Variants in FTCD observed in about 807,000 individuals in gnomAD.
FTCD encodes the protein formimidoyltransferase cyclodeaminase.
In FTCD, 76 loss-of-function variants were observed where a neutral mutation model predicts 62.9. The observed-to-expected ratio is 1.21, with a 90% confidence interval of 1.00 to 1.46. The LOEUF is 1.46. Among genes scored for constraint, FTCD ranks in the 40% most tolerant of loss-of-function variants. The probability of loss-of-function intolerance (pLI) is 0.00; values close to 1 mark genes in which losing one functional copy is unlikely to be tolerated. For missense variants in FTCD, 845 were observed against 751.3 expected, an observed-to-expected ratio of 1.12 and a Z score of -1.46; for synonymous variants, 397 against 336.9, an observed-to-expected ratio of 1.18 and a Z score of -1.95.
In FTCD at chr21:46,145,518, G is replaced by A. The variant is rs1394916877; in HGVS notation, c.1159C>T (p.Leu387=). 3.2e-6 allele frequency: 5 copies of A among 1,549,716 alleles called. No homozygotes were observed. The highest frequency in any genetic ancestry group is 4.4e-6 in the Non-Finnish European group (5 of 1,146,898). ...MTYGRRQFQS[L]DTTMRRLIPP... ...ATCAGGCGCCGCATCGTCGTGTCCA[G>A]GGACTGGAATTGGCGCCGCCCGTAG... Residue 387 remains leucine, a synonymous_variant, in exon 10 of 14, where the codon CTG becomes TTG. Coordinates refer to ENST00000397746, the MANE Select transcript of FTCD (RefSeq NM_206965.2).
Position 46,154,234 on chromosome 21 carries a change from G to A in FTCD, c.153C>T (p.Phe51=), listed in dbSNP as rs779166982. 1.5e-4 allele frequency: 234 copies of A among 1,612,800 alleles called. No individual in the cohort carries two copies. Among genetic ancestry groups the A allele is most frequent in the East Asian group, 2.9e-4 (13 of 44,886 alleles). ...GPSTNRTVYT[F]VGPPECVVEG... ...CCACCACGCACTCCGGCGGCCCCACGAAGGTGTACACGGTGCGGTTGGTGG... is the reference window on the plus strand; with the variant it reads ...CCACCACGCACTCCGGCGGCCCCACAAAGGTGTACACGGTGCGGTTGGTGG... The change falls in exon 2 of 14, where the codon TTC becomes TTT. Residue 51 remains phenylalanine (F), a synonymous_variant. Coordinates refer to ENST00000397746, the MANE Select transcript of FTCD (RefSeq NM_206965.2).
intron 10 of FTCD, among the ~76,000 whole-genome samples, chr21:46,144,296 T>C (rs2079077237): frequency 6.7e-6 from 1 of 149,976 alleles, no homozygotes; most frequent in African/African-American, 2.5e-5. Flanking sequence ...TGTCTTTATT[T>C]CTATAATCTC....
intron 3 of FTCD, 46 bp from the exon 4 acceptor site, chr21:46,152,026 G>C: frequency 1.4e-6 from 2 of 1,400,530 alleles, no homozygotes; most frequent in Middle Eastern, 1.8e-4. Context: ...AGGGGGTCCA[G>C]GACTCAGTTC....
chr21:46,136,706 G>A (rs2078873997), downstream of FTCD: 3 of 1,473,602 alleles, frequency 2.0e-6, no homozygotes, highest in African/African-American at 2.8e-5. Flanking sequence ...CTGACCATAT[G>A]TCCTGCTCCT....
rs192895127 is a variant in FTCD, at chr21:46,151,753, C to T, written c.457-16G>A. ...CCTGCTGGAGCTGTGAGCAAGTTCG[C>T]TCTGGGGTGAGACATCCCCCACGGG... On this transcript the variant is annotated splice_polypyrimidine_tract_variant and intron_variant, in intron 4 of 13. Coordinates refer to ENST00000397746, the MANE Select transcript of FTCD (RefSeq NM_206965.2). 6,398 of 1,612,368 alleles carry T rather than the reference C, an allele frequency of 4.0e-3. 40 individuals carry two copies. The highest frequency in any genetic ancestry group is 0.012 in the African/African-American group (926 of 75,050).
At chr21:46,139,893 G>A (rs1220766035) in intron 10 of FTCD, among the ~76,000 whole-genome samples, 1 of 152,178 alleles carries the variant, frequency 6.6e-6, no homozygotes, top group Non-Finnish European at 1.5e-5. Context: ...CCCAGGCCTT[G>A]CGGTGTCCAT....
chr21:46,148,427 C>T (rs1479723927), intron 7 of FTCD, among the ~76,000 whole-genome samples: 1 of 152,228 alleles, frequency 6.6e-6, no homozygotes, highest in South Asian at 2.1e-4. Context: ...GAGTTTGAGA[C>T]CAGCCTGGGC....
Position 46,145,831 on chromosome 21 carries a change from G to C in FTCD, c.1085C>G (p.Ala362Gly). ...AAPGGGSVAA[A>G]AAAMGAALGS... ...CCCCGCGCTCACCATGGCCGCAGCG[G>C]CCGCCGCCACCGAGCCGCCCCCGGG... The change falls in exon 9 of 14, where the codon GCC becomes GGC. Residue 362 changes from alanine (A) to glycine (G), a missense_variant. Physicochemically the swap from Ala to Gly is moderately conservative, Grantham distance 60 (BLOSUM62 0). Transcript: ENST00000397746. The C allele has an allele frequency of 3.4e-6, 3 of 889,144 alleles. No individual in the cohort carries two copies. The highest frequency in any genetic ancestry group is 1.1e-4 in the African/African-American group (2 of 18,462). The allele number at this position is 889,144 out of a possible 1,614,324, so 55.1% of individuals were successfully genotyped here.
chr21:46,147,647 A>T (rs1231779443), intron 7 of FTCD, among the ~76,000 whole-genome samples: 1 of 152,098 alleles, frequency 6.6e-6, no homozygotes, highest in Non-Finnish European at 1.5e-5. Context: ...GGTAAAGAAG[A>T]CAAAACCCCA....
chr21:46,138,363 A>C (rs1009856444), intron 12 of FTCD, 145 bp downstream of exon 12: 5 of 729,114 alleles, frequency 6.9e-6, no homozygotes, highest in Non-Finnish European at 6.8e-6. Context: ...CTGTTGGAGG[A>C]GGCCAAAGCC....
chr21:46,145,962 C>A lies in FTCD; in HGVS notation c.969-15G>T, dbSNP rs116542137. On this transcript the variant is annotated splice_polypyrimidine_tract_variant and intron_variant, in intron 8 of 13. Transcript: ENST00000397746. ...GGACCAGGTACCTGCAGGGTGGGCG[C>A]GGCTCAGCGGGTCTGGCCGGGGTTG... 2.9e-3 allele frequency: 4,194 copies of A among 1,446,908 alleles called. 109 individuals are homozygous for A. The African/African-American group carries it at 0.055, about 19-fold the overall frequency. 89.6% of individuals were successfully genotyped at this position (1,446,908 alleles called of 1,614,324 possible).
intron 12 of FTCD, 133 bp from the exon 13 acceptor site, chr21:46,137,467 G>GC (rs2078896968): frequency 1.3e-6 from 1 of 750,758 alleles, no homozygotes; most frequent in African/African-American, 1.7e-5. Context: ...CGCAGCCCCC[G>GC]CTTTCGCCCC....
At chr21:46,139,323 AG>A (rs2078943362) in intron 10 of FTCD, among the ~76,000 whole-genome samples, 1 of 152,178 alleles carries the variant, frequency 6.6e-6, no homozygotes, top group Non-Finnish European at 1.5e-5. Flanking sequence ...CAGACTGTGC[AG>A]AAGGACCAAG....
chr21:46,150,290 T>C, intron 6 of FTCD, 40 bp from the exon 7 acceptor site: 2 of 1,608,830 alleles, frequency 1.2e-6, no homozygotes, highest in Non-Finnish European at 1.7e-6. Context: ...GGGGGCTGGC[T>C]GGAGAATGGC....
rs112790981 is a variant in FTCD at position 46,138,959 on chromosome 21, C to T, written c.1261-36G>A. 48 of 1,564,612 alleles carry T rather than the reference C, an allele frequency of 3.1e-5. 1 individual carries two copies. Among genetic ancestry groups the T allele is most frequent in the Middle Eastern group, 3.4e-4 (2 of 5,962 alleles). ...GAGACAGAACCACTGGGCGAGGGAC[C>T]GTAGGGGGAGCAGCCATGCCCTCTG... On this transcript the variant is annotated intron_variant, in intron 10 of 13. Transcript: ENST00000397746.
In FTCD at chr21:46,150,383, C is replaced by T. The variant is rs1393893436; in HGVS notation, c.774+5G>A. 6.2e-7 allele frequency: 1 copy of T among 1,612,842 alleles called. No individual in the cohort carries two copies. Among genetic ancestry groups the T allele is most frequent in the Non-Finnish European group, 8.5e-7 (1 of 1,179,962 alleles). On this transcript the variant is annotated splice_donor_5th_base_variant and intron_variant, in intron 6 of 13. Coordinates refer to ENST00000397746, the MANE Select transcript of FTCD (RefSeq NM_206965.2). ...CACAGCAGCAGCGGCTGCTCCCGGG[C>T]TCACCTGTGCTTCTCGGCAGGTCTC...
In FTCD at chr21:46,151,883, T is replaced by G. The variant is rs1194667464; in HGVS notation, c.456+9A>C. On this transcript the variant is annotated intron_variant, in intron 4 of 13. Transcript: ENST00000397746. ...CCTTCCCAGGCCCGACCGCCCGGGG[T>G]GGGGGCACCTTCTTAGGGAGGGCCT... 1 of 1,556,666 alleles carries G rather than the reference T, an allele frequency of 6.4e-7. No homozygotes were observed. The highest frequency in any genetic ancestry group is 8.7e-7 in the Non-Finnish European group (1 of 1,150,370).
In FTCD at chr21:46,146,320, C is replaced by A; in HGVS notation, c.914G>T (p.Ser305Ile). 6.2e-7 allele frequency: 1 copy of A among 1,601,480 alleles called. No individual in the cohort carries two copies. Among genetic ancestry groups the A allele is most frequent in the Non-Finnish European group, 8.5e-7 (1 of 1,173,762 alleles). Residue 305 changes from serine to isoleucine, a missense_variant, in exon 8 of 14, where the codon AGC becomes ATC. Physicochemically the swap from Ser to Ile is moderately radical, Grantham distance 142. Coordinates refer to ENST00000397746, the MANE Select transcript of FTCD (RefSeq NM_206965.2). ...GCACAGGGAGTCCAGGCCCAGCCGG[C>A]TCACCACCTGGAAAAGGGGCTTGGA... The part of the protein sequence containing the change: ...EEEQRIRLVV[S>I]RLGLDSLCPF...
chr21:46,147,251 G>T (rs1198622786), intron 7 of FTCD, among the ~76,000 whole-genome samples: 1 of 151,386 alleles, frequency 6.6e-6, no homozygotes, highest in East Asian at 1.9e-4. Context: ...AACAGTTGAG[G>T]TACTTCCCAG....
Sources: gnomAD v4.1 joint callset for allele counts (sites outside exome capture counted in the v4.1 genomes callset) on GRCh38, gnomAD v4.1.1 for gene constraint, MANE v1.5 for transcripts, NCBI Gene and HGNC (gene_info 2026-07-23, HGNC 2026-07-21) for gene names.